Variants in STK33 observed in about 807,000 individuals in gnomAD.
The protein encoded by STK33 is serine/threonine-protein kinase 33.
STK33 carries 52 observed loss-of-function variants against 58.0 expected under a neutral mutation model. The ratio of observed to expected loss-of-function variants is 0.90; its 90% CI spans 0.72 to 1.13. STK33 has a LOEUF of 1.13. Among genes scored for constraint, STK33 ranks in the 50% most tolerant of loss-of-function variants. The pLI is 0.00. For synonymous variants in STK33, 215 were observed against 200.1 expected (o/e 1.07, Z -0.63); for missense variants, 630 against 604.2 (o/e 1.04, Z -0.45).
the STK33 span, among the ~76,000 whole-genome samples, chr11:8,349,910 T>C: frequency 6.6e-6 from 1 of 152,368 alleles, no homozygotes; most frequent in African/African-American, 2.4e-5. Flanking sequence ...ATCATGTGCG[T>C]CCTCATCTCA....
chr11:8,541,494 T>C (rs1158145042), intron 1 of STK33, among the ~76,000 whole-genome samples: 1 of 152,142 alleles, frequency 6.6e-6, no homozygotes, highest in East Asian at 1.9e-4. Context: ...CTTTAGGCAA[T>C]GCCAAGAAAA....
At chr11:8,440,166 G>A (rs1944561933) in intron 12 of STK33, among the ~76,000 whole-genome samples, 1 of 151,910 alleles carries the variant, frequency 6.6e-6, no homozygotes, top group South Asian at 2.1e-4. Flanking sequence ...GACAGAGAAG[G>A]AAGAACAAGA....
At chr11:8,556,084 C>T (rs1956726318) in intron 1 of STK33, among the ~76,000 whole-genome samples, 3 of 152,090 alleles carry the variant, frequency 2.0e-5, no homozygotes, top group Admixed American at 6.6e-5. Flanking sequence ...AAAGCACCCA[C>T]GATCATCCAG....
At chr11:8,339,812 G>A in the STK33 span, among the ~76,000 whole-genome samples, 1 of 152,220 alleles carries the variant, frequency 6.6e-6, no homozygotes, top group Non-Finnish European at 1.5e-5. Context: ...CAGCCTCCAA[G>A]CCCAACCTCT....
At chr11:8,400,544 C>T (rs1190017610) in intron 15 of STK33, among the ~76,000 whole-genome samples, 1 of 152,168 alleles carries the variant, frequency 6.6e-6, no homozygotes, top group East Asian at 1.9e-4. Flanking sequence ...GAAGCATTCC[C>T]TTTGAAAACT....
intron 11 of STK33, among the ~76,000 whole-genome samples, chr11:8,452,343 A>T (rs887552696): frequency 6.6e-6 from 1 of 152,200 alleles, no homozygotes; most frequent in East Asian, 1.9e-4. Flanking sequence ...ATTTTTTTAA[A>T]TCTTTAAAGG....
At position 8,396,545 on chromosome 11, in the gene STK33, G is replaced by A. The variant is rs778974137; in HGVS notation, c.1345-3835C>T. ...ACAGCTCCAGTCTACAGCTCCCAGC[G>A]TGAGTGACGCAGAAGATGGGTGATT... On this transcript the variant is annotated intron_variant, in intron 15 of 15. Coordinates refer to ENST00000687296, the MANE Select transcript of STK33 (RefSeq NM_001352389.2). Among the ~76,000 whole-genome samples the A allele has an allele frequency of 2.0e-4, 30 of 152,344 alleles. 2 individuals carry two copies. Among genetic ancestry groups the A allele is most frequent in the Admixed American group, 1.7e-3 (26 of 15,306 alleles).
chr11:8,502,028 G>C (rs1951551108), intron 1 of STK33, among the ~76,000 whole-genome samples: 1 of 151,936 alleles, frequency 6.6e-6, no homozygotes, highest in Non-Finnish European at 1.5e-5. Context: ...TCAGGGCTTG[G>C]GAAGTGACTA....
At chr11:8,442,277 T>C (rs1944854171) in intron 11 of STK33, among the ~76,000 whole-genome samples, 1 of 152,172 alleles carries the variant, frequency 6.6e-6, no homozygotes, top group Non-Finnish European at 1.5e-5. Flanking sequence ...TAACTCTACT[T>C]AAAATCTTTA....
intron 1 of STK33, among the ~76,000 whole-genome samples, chr11:8,516,419 T>A (rs983336350): frequency 1.3e-5 from 2 of 152,190 alleles, no homozygotes; most frequent in Non-Finnish European, 2.9e-5. Flanking sequence ...AGTCTGCAGC[T>A]CCCAGCGTGA....
the STK33 span, among the ~76,000 whole-genome samples, chr11:8,364,214 C>T: frequency 6.6e-6 from 1 of 152,374 alleles, no homozygotes; most frequent in African/African-American, 2.4e-5. Flanking sequence ...ATGGTGGCGA[C>T]GTCGTCGGTG....
At chr11:8,589,007 A>T (rs144760994) in intron 1 of STK33, among the ~76,000 whole-genome samples, 295 of 152,328 alleles carry the variant, frequency 1.9e-3, no homozygotes, top group African/African-American at 6.8e-3. Flanking sequence ...ATACTCAAAA[A>T]GACAGTAACA....
chr11:8,559,057 C>A (rs1292942660), intron 1 of STK33, among the ~76,000 whole-genome samples: 1 of 152,104 alleles, frequency 6.6e-6, no homozygotes, highest in Non-Finnish European at 1.5e-5. Context: ...CATGGCCAAA[C>A]CCTAGAAAAT....
chr11:8,410,256 A>T (rs1435939906), intron 15 of STK33, among the ~76,000 whole-genome samples: 1 of 152,166 alleles, frequency 6.6e-6, no homozygotes, highest in Non-Finnish European at 1.5e-5. Context: ...AAATGTCAAC[A>T]TTTCTTGTCT....
chr11:8,453,785 T>A (rs535987297), intron 10 of STK33, among the ~76,000 whole-genome samples: 1 of 152,354 alleles, frequency 6.6e-6, no homozygotes, highest in East Asian at 1.9e-4. Context: ...ATGCTCCTAT[T>A]TACATGTGAT....
chr11:8,444,622 CAGG>C (rs1476910150), intron 11 of STK33, among the ~76,000 whole-genome samples: 3 of 151,972 alleles, frequency 2.0e-5, no homozygotes, highest in Non-Finnish European at 4.4e-5. Flanking sequence ...CACAGGTACA[CAGG>C]AGAATATGAA....
chr11:8,364,841 C>T, the STK33 span, among the ~76,000 whole-genome samples: 1 of 152,186 alleles, frequency 6.6e-6, no homozygotes, highest in Non-Finnish European at 1.5e-5. Context: ...CATATAGTTG[C>T]TATGAATGTT....
At chr11:8,484,394 A>C (rs1950060898) in intron 1 of STK33, among the ~76,000 whole-genome samples, 1 of 152,216 alleles carries the variant, frequency 6.6e-6, no homozygotes. Context: ...AATGCTCCAA[A>C]TATTGTTCTA....
chr11:8,563,144 T>C (rs747451618), intron 1 of STK33, among the ~76,000 whole-genome samples: 9 of 152,178 alleles, frequency 5.9e-5, no homozygotes, highest in Non-Finnish European at 1.3e-4. Flanking sequence ...ACCCTGTATC[T>C]GGGTAAGTAG....
Sources: gnomAD v4.1 joint callset for allele counts (sites outside exome capture counted in the v4.1 genomes callset) on GRCh38, gnomAD v4.1.1 for gene constraint, MANE v1.5 for transcripts, NCBI Gene and HGNC (gene_info 2026-07-23, HGNC 2026-07-21) for gene names.